Variants in IMMP2L observed in about 807,000 individuals in gnomAD.
The protein encoded by IMMP2L is inner mitochondrial membrane peptidase subunit 2, also known as mitochondrial inner membrane protease subunit 2.
A neutral mutation model predicts 19.3 loss-of-function variants in IMMP2L; 18 were observed. That is an observed-to-expected ratio of 0.93 (90% confidence interval 0.64 to 1.38). The LOEUF (loss-of-function observed/expected upper bound fraction) is 1.38. Ranked by LOEUF, IMMP2L falls within the 40% of genes most tolerant of loss-of-function variation. The probability of loss-of-function intolerance (pLI) is 0.00; values close to 1 mark genes in which losing one functional copy is unlikely to be tolerated. For missense variants in IMMP2L, 233 were observed against 218.2 expected, an observed-to-expected ratio of 1.07 and a Z score of -0.43; for synonymous variants, 76 against 73.0, an observed-to-expected ratio of 1.04 and a Z score of -0.21.
chr7:111,006,334 A>C (rs2129562176), intron 3 of IMMP2L, among the ~76,000 whole-genome samples: 1 of 152,254 alleles, frequency 6.6e-6, no homozygotes, highest in African/African-American at 2.4e-5. Flanking sequence ...AGGGAAAAGG[A>C]TGACATTTAT....
At chr7:111,343,005 T>G (rs1827177296) in intron 3 of IMMP2L, among the ~76,000 whole-genome samples, 1 of 152,106 alleles carries the variant, frequency 6.6e-6, no homozygotes, top group African/African-American at 2.4e-5. Flanking sequence ...GAGGACCTGT[T>G]TATACCACTC....
At chr7:110,817,569 G>A (rs767406502) in intron 5 of IMMP2L, among the ~76,000 whole-genome samples, 23 of 151,866 alleles carry the variant, frequency 1.5e-4, no homozygotes, top group Non-Finnish European at 2.1e-4. Context: ...TGCCATCCCC[G>A]TCAAGCTACC....
intron 3 of IMMP2L, among the ~76,000 whole-genome samples, chr7:111,411,103 A>G (rs1227104346): frequency 1.3e-5 from 2 of 150,938 alleles, no homozygotes; most frequent in Non-Finnish European, 3.0e-5. Flanking sequence ...AAAAAAAAAA[A>G]AAAAGTAACA....
chr7:111,174,454 T>G (rs569981774), intron 3 of IMMP2L, among the ~76,000 whole-genome samples: 1 of 151,762 alleles, frequency 6.6e-6, no homozygotes, highest in African/African-American at 2.4e-5. Context: ...ATATTTTTAT[T>G]GTATGTTTTA....
At chr7:111,393,162 C>T (rs1301585163) in intron 3 of IMMP2L, among the ~76,000 whole-genome samples, 1 of 151,914 alleles carries the variant, frequency 6.6e-6, no homozygotes, top group Non-Finnish European at 1.5e-5. Flanking sequence ...TTTTTAAGGG[C>T]CCACCAAGAA....
intron 3 of IMMP2L, among the ~76,000 whole-genome samples, chr7:110,985,587 C>A: frequency 6.6e-6 from 1 of 151,966 alleles, no homozygotes; most frequent in Non-Finnish European, 1.5e-5. Flanking sequence ...GTATGTTAGT[C>A]AAGTTTAAAA....
At position 111,389,064 on chromosome 7, in the gene IMMP2L, C is replaced by T. The variant is rs546251273; in HGVS notation, c.239+98174G>A. Among the ~76,000 whole-genome samples, 141 of 152,192 alleles carry T rather than the reference C, an allele frequency of 9.3e-4. 1 individual carries two copies. The highest frequency in any genetic ancestry group is 1.1e-3 in the Non-Finnish European group (73 of 68,004). The stretch of plus-strand genomic sequence containing the variant: ...AAAAGAAACCAGAAGTCTTTGGTAG[C>T]GCCAGGGCTGGGGCAAGAAAAGTAC... On this transcript the variant is annotated intron_variant, in intron 3 of 5. Transcript: ENST00000405709.
chr7:110,813,905 T>A (rs1275486803), intron 5 of IMMP2L, among the ~76,000 whole-genome samples: 1 of 152,018 alleles, frequency 6.6e-6, no homozygotes, highest in East Asian at 1.9e-4. Context: ...GAAAGAAATT[T>A]TACTGTACTG....
chr7:111,473,028 G>T (rs187697655), intron 3 of IMMP2L, among the ~76,000 whole-genome samples: 104 of 152,204 alleles, frequency 6.8e-4, no homozygotes, highest in African/African-American at 2.3e-3. Context: ...GCTTAATTTT[G>T]TACGTATACC....
At chr7:111,367,576 T>G (rs1302450585) in intron 3 of IMMP2L, among the ~76,000 whole-genome samples, 1 of 152,004 alleles carries the variant, frequency 6.6e-6, no homozygotes, top group African/African-American at 2.4e-5. Context: ...GGCACTATGC[T>G]AATAAGTACT....
At chr7:110,723,331 G>A (rs1363397092) in intron 5 of IMMP2L, among the ~76,000 whole-genome samples, 2 of 152,154 alleles carry the variant, frequency 1.3e-5, no homozygotes, top group Non-Finnish European at 2.9e-5. Context: ...ACTACCACCA[G>A]TTTGATGCAA....
intron 5 of IMMP2L, among the ~76,000 whole-genome samples, chr7:110,665,347 T>C (rs1283441180): frequency 1.3e-5 from 2 of 152,182 alleles, no homozygotes; most frequent in Non-Finnish European, 2.9e-5. Flanking sequence ...TCATGCTAAA[T>C]TTATCCCTGA....
intron 5 of IMMP2L, among the ~76,000 whole-genome samples, chr7:110,853,024 G>A (rs1456490573): frequency 3.3e-5 from 5 of 151,954 alleles, no homozygotes; most frequent in Non-Finnish European, 7.4e-5. Flanking sequence ...TGCAGCAAAA[G>A]ATTACTAGAA....
chr7:110,874,256 G>A (rs1180208271), intron 5 of IMMP2L, among the ~76,000 whole-genome samples: 6 of 151,908 alleles, frequency 3.9e-5, no homozygotes, highest in Non-Finnish European at 8.8e-5. Flanking sequence ...TTATTAAGAG[G>A]GCAGTCTTCC....
chr7:111,343,209 C>T (rs1031408737), intron 3 of IMMP2L, among the ~76,000 whole-genome samples: 3 of 152,020 alleles, frequency 2.0e-5, no homozygotes, highest in African/African-American at 4.8e-5. Flanking sequence ...TCAAGTCATG[C>T]CTCTTCTAAA....
Position 111,219,006 on chromosome 7 carries a change from T to C in IMMP2L, c.240-255441A>G, listed in dbSNP as rs1197593996. On this transcript the variant is annotated intron_variant, in intron 3 of 5. Coordinates refer to ENST00000405709, the MANE Select transcript of IMMP2L (RefSeq NM_032549.4). ...TATACAAGATCAAAATTCATCTATGTTGAGCCACTAAAACTTGTGAAGGAG... is the reference window on the plus strand; with the variant it reads ...TATACAAGATCAAAATTCATCTATGCTGAGCCACTAAAACTTGTGAAGGAG... Among the ~76,000 whole-genome samples, 4 of 152,020 alleles carry C rather than the reference T, an allele frequency of 2.6e-5. No homozygotes were observed. In the East Asian group the frequency reaches 5.8e-4, roughly 22 times the overall value.
At chr7:111,180,543 A>G (rs1807591717) in intron 3 of IMMP2L, among the ~76,000 whole-genome samples, 2 of 152,070 alleles carry the variant, frequency 1.3e-5, no homozygotes, top group South Asian at 2.1e-4. Flanking sequence ...AACAAAAAGG[A>G]AAGTTTGAAA....
chr7:111,157,450 T>C (rs1804766032), intron 3 of IMMP2L, among the ~76,000 whole-genome samples: 1 of 152,122 alleles, frequency 6.6e-6, no homozygotes, highest in Non-Finnish European at 1.5e-5. Context: ...TGGAGGTCAT[T>C]ATGTTAAGTG....
chr7:111,374,444 A>G (rs1830509068), intron 3 of IMMP2L, among the ~76,000 whole-genome samples: 1 of 152,108 alleles, frequency 6.6e-6, no homozygotes, highest in Admixed American at 6.6e-5. Flanking sequence ...AGAGGAAAAA[A>G]ACCAAAATTA....
Sources: gnomAD v4.1 joint callset for allele counts (sites outside exome capture counted in the v4.1 genomes callset) on GRCh38, gnomAD v4.1.1 for gene constraint, MANE v1.5 for transcripts, NCBI Gene and HGNC (gene_info 2026-07-23, HGNC 2026-07-21) for gene names.